Variants in SLC5A8 observed in about 807,000 individuals in gnomAD.
SLC5A8 encodes solute carrier family 5 member 8.
A neutral mutation model predicts 71.9 loss-of-function variants in SLC5A8; 55 were observed. The observed-to-expected ratio is 0.77, with a 90% confidence interval of 0.62 to 0.96. The LOEUF (loss-of-function observed/expected upper bound fraction) is 0.96. Ranked by LOEUF, SLC5A8 falls within the 40% of genes least tolerant of loss-of-function variation. The probability of loss-of-function intolerance (pLI) is 0.00; values close to 1 mark genes in which losing one functional copy is unlikely to be tolerated. For missense variants in SLC5A8, 701 were observed against 745.3 expected (o/e 0.94, Z 0.69); for synonymous variants, 307 against 276.1 (o/e 1.11, Z -1.11).
intron 1 of SLC5A8, among the ~76,000 whole-genome samples, chr12:101,208,516 CCT>C (rs1414201576): frequency 6.6e-6 from 1 of 152,180 alleles, no homozygotes; most frequent in Non-Finnish European, 1.5e-5. Flanking sequence ...CCGCCACTCC[CCT>C]GAGCTTTGAT....
chr12:101,193,502 G>C (rs1869013457), intron 5 of SLC5A8, 123 bp downstream of exon 5: 1 of 1,125,194 alleles, frequency 8.9e-7, no homozygotes, highest in South Asian at 1.6e-5. Flanking sequence ...GCTTCAATTT[G>C]CTCTACCACA....
At chr12:101,206,991 C>T (rs1869705151) in intron 1 of SLC5A8, among the ~76,000 whole-genome samples, 1 of 152,160 alleles carries the variant, frequency 6.6e-6, no homozygotes, top group Non-Finnish European at 1.5e-5. Context: ...AGCAAGAATG[C>T]CAGGGTATCA....
intron 6 of SLC5A8, among the ~76,000 whole-genome samples, chr12:101,189,036 C>T (rs1868784244): frequency 6.6e-6 from 1 of 151,984 alleles, no homozygotes; most frequent in Non-Finnish European, 1.5e-5. Context: ...CCCTGGGTTT[C>T]GAGAGTCTGC....
intron 1 of SLC5A8, among the ~76,000 whole-genome samples, chr12:101,205,835 A>G (rs1354803849): frequency 1.3e-5 from 2 of 152,226 alleles, no homozygotes; most frequent in Non-Finnish European, 1.5e-5. Flanking sequence ...TTCTGCATAT[A>G]TAAGTAAATA....
chr12:101,184,147 T>G lies in SLC5A8; in HGVS notation c.1039A>C (p.Ser347Arg), dbSNP rs547396035. ...LPGLFVACAYSGTLSTVSSSI... is the reference protein window; with the variant it reads ...LPGLFVACAYRGTLSTVSSSI... ...CATAGTTCATACCTTAATGTCCCAC[T>G]GTAAGCACAGGCCACAAAAAGTCCA... Residue 347 changes from serine (S) to arginine (R), a missense_variant, in exon 8 of 15, where the codon AGT becomes CGT. By Grantham distance (110) the Ser-to-Arg change is moderately radical. Coordinates refer to ENST00000536262, the MANE Select transcript of SLC5A8 (RefSeq NM_145913.5). 18 of 1,614,076 alleles carry G rather than the reference T, an allele frequency of 1.1e-5. No individual in the cohort carries two copies. In the South Asian group the frequency reaches 2.0e-4, roughly 18 times the overall value.
chr12:101,161,689 C>T (rs898531156), intron 13 of SLC5A8, among the ~76,000 whole-genome samples: 5 of 152,080 alleles, frequency 3.3e-5, no homozygotes, highest in Non-Finnish European at 5.9e-5. Context: ...ATGGGCAGGT[C>T]GATTATTATT....
At chr12:101,167,526 CA>C (rs1192206958) in intron 11 of SLC5A8, among the ~76,000 whole-genome samples, 2 of 152,162 alleles carry the variant, frequency 1.3e-5, no homozygotes, top group African/African-American at 4.8e-5. Flanking sequence ...TTATTCCAAA[CA>C]AAAGTTAGCA....
intron 4 of SLC5A8, 80 bp from the exon 5 acceptor site, chr12:101,193,859 G>A (rs965965995): frequency 4.6e-5 from 64 of 1,387,852 alleles, no homozygotes; most frequent in Non-Finnish European, 6.2e-5. Flanking sequence ...CTATACTGGA[G>A]AAAAATGATA....
intron 10 of SLC5A8, 54 bp downstream of exon 10, chr12:101,179,975 A>T (rs1436234043): frequency 6.3e-7 from 1 of 1,588,416 alleles, no homozygotes; most frequent in Non-Finnish European, 8.6e-7. Flanking sequence ...TCACATCAAC[A>T]TTGAAAAAAG....
intron 1 of SLC5A8, among the ~76,000 whole-genome samples, chr12:101,207,956 T>G (rs1869741760): frequency 1.3e-5 from 2 of 152,020 alleles, no homozygotes; most frequent in Non-Finnish European, 2.9e-5. Context: ...ATATAGAAGT[T>G]TAATAGAGAG....
chr12:101,202,459 C>T (rs965751160), intron 2 of SLC5A8, among the ~76,000 whole-genome samples: 7 of 151,968 alleles, frequency 4.6e-5, no homozygotes, highest in African/African-American at 1.2e-4. Flanking sequence ...TGTAAAAATA[C>T]GGACTTTTAT....
At chr12:101,190,743 T>A (rs1868871011) in intron 5 of SLC5A8, 135 bp from the exon 6 acceptor site, 2 of 634,992 alleles carry the variant, frequency 3.1e-6, no homozygotes, top group Middle Eastern at 4.5e-4. Flanking sequence ...AATTTATTAA[T>A]TAATTTAAAA....
Position 101,157,222 on chromosome 12 carries a change from C to T in SLC5A8, c.*57G>A. ...CACAAAGAAAACCTGATCCAATTATCTTAGAAAACATATAAAATTGAAACA... is the reference window on the plus strand; with the variant it reads ...CACAAAGAAAACCTGATCCAATTATTTTAGAAAACATATAAAATTGAAACA... On this transcript the variant is annotated 3_prime_UTR_variant, in exon 15 of 15. Coordinates refer to ENST00000536262, the MANE Select transcript of SLC5A8 (RefSeq NM_145913.5). 6.3e-7 allele frequency: 1 copy of T among 1,582,016 alleles called. No individual in the cohort carries two copies. Among genetic ancestry groups the T allele is most frequent in the Non-Finnish European group, 8.6e-7 (1 of 1,160,358 alleles).
In SLC5A8 at chr12:101,156,965, T is replaced by C; in HGVS notation, c.*314A>G. 4.4e-6 allele frequency: 1 copy of C among 229,124 alleles called. No homozygotes were observed. Among genetic ancestry groups the C allele is most frequent in the Non-Finnish European group, 8.4e-6 (1 of 118,612 alleles). The allele number at this position is 229,124 out of a possible 1,614,324, so 14.2% of individuals were successfully genotyped here. A position where few individuals can be genotyped will look rare whatever the true frequency, so the allele number is the denominator to read the frequency against. Reference sequence around the variant, plus strand: ...TAATACCCAAATTTAAGAATATACCTTTGACAATCAAATACATGTGCATAT... The same window carrying C: ...TAATACCCAAATTTAAGAATATACCCTTGACAATCAAATACATGTGCATAT... On this transcript the variant is annotated 3_prime_UTR_variant, in exon 15 of 15. Transcript: ENST00000536262.
intron 10 of SLC5A8, among the ~76,000 whole-genome samples, chr12:101,170,245 A>T (rs1190949435): frequency 6.6e-6 from 1 of 152,268 alleles, no homozygotes; most frequent in African/African-American, 2.4e-5. Flanking sequence ...TCTAATCAGA[A>T]GAGCAAACGC....
At chr12:101,158,550 GTCTCTCTC>G (rs372186123) in intron 13 of SLC5A8, among the ~76,000 whole-genome samples, 499 of 48,318 alleles carry the variant, frequency 0.01, 7 homozygotes, top group South Asian at 0.019. Context: ...ATAAATATGA[GTCTCTCTC>G]TCTCTCTCTC....
intron 13 of SLC5A8, among the ~76,000 whole-genome samples, chr12:101,159,910 G>A (rs182640883): frequency 1.3e-5 from 2 of 152,292 alleles, no homozygotes; most frequent in African/African-American, 4.8e-5. Context: ...TGGGCATGGT[G>A]GTGGCTCACG....
At chr12:101,173,029 G>A (rs1335562153) in intron 10 of SLC5A8, among the ~76,000 whole-genome samples, 1 of 152,178 alleles carries the variant, frequency 6.6e-6, no homozygotes, top group Non-Finnish European at 1.5e-5. Context: ...AGCCCTTGAT[G>A]AAAAGAGGCT....
chr12:101,191,507 A>C (rs573848683), intron 5 of SLC5A8, among the ~76,000 whole-genome samples: 32 of 152,336 alleles, frequency 2.1e-4, no homozygotes, highest in African/African-American at 7.7e-4. Context: ...CTAACATTTC[A>C]TATCAAAGTG....
Sources: gnomAD v4.1 joint callset for allele counts (sites outside exome capture counted in the v4.1 genomes callset) on GRCh38, gnomAD v4.1.1 for gene constraint, MANE v1.5 for transcripts, NCBI Gene and HGNC (gene_info 2026-07-23, HGNC 2026-07-21) for gene names.